The following BAZ1A variants were observed in gnomAD, a reference collection of about 807,000 sequenced individuals.
The protein encoded by BAZ1A is bromodomain adjacent to zinc finger domain protein 1A.
BAZ1A carries 50 observed loss-of-function variants against 185.2 expected under a neutral mutation model. The observed-to-expected ratio is 0.27, with a 90% CI of 0.22 to 0.34. The LOEUF (loss-of-function observed/expected upper bound fraction) is 0.34, where lower values mean the gene tolerates loss of function less well. Ranked by LOEUF, BAZ1A falls within the 10% of genes least tolerant of loss-of-function variation. BAZ1A has a pLI of 1.00. For synonymous variants in BAZ1A, 571 were observed against 615.6 expected, an observed-to-expected ratio of 0.93 and a Z score of 1.07; for missense variants, 1,356 against 1,839.9, an observed-to-expected ratio of 0.74 and a Z score of 4.81.
chr14:34,803,041 A>G, intron 6 of BAZ1A, 53 bp from the exon 7 acceptor site: 2 of 1,520,586 alleles, frequency 1.3e-6, no homozygotes, highest in Middle Eastern at 1.8e-4. Context: ...TAAACAACAT[A>G]CAGATATGCC....
intron 8 of BAZ1A, 116 bp downstream of exon 8, chr14:34,800,978 T>A: frequency 1.5e-6 from 1 of 668,308 alleles, no homozygotes; most frequent in Non-Finnish European, 2.4e-6. Context: ...AAAAAATAAC[T>A]GCACTTCAAA....
rs1205467162 is a variant in BAZ1A, at chr14:34,874,825, G to A, written c.-58-163C>T. 8 of 457,556 alleles carry A rather than the reference G, an allele frequency of 1.7e-5. No individual in the cohort carries two copies. Among genetic ancestry groups the A allele is most frequent in the Non-Finnish European group, 2.3e-5 (6 of 260,264 alleles). 28.3% of individuals were successfully genotyped at this position (457,556 alleles called of 1,614,324 possible). A position where few individuals can be genotyped will look rare whatever the true frequency, so the allele number is the denominator to read the frequency against. Reference sequence around the variant, plus strand: ...GTTCCTGCCGCTGCCCGGGTGTCGAGCGAGCGGAGCCGCCGCCGCCCCTGC... The same window carrying A: ...GTTCCTGCCGCTGCCCGGGTGTCGAACGAGCGGAGCCGCCGCCGCCCCTGC... On this transcript the variant is annotated intron_variant, in intron 1 of 26. Transcript: ENST00000360310. This position sits in a 1 kb window ranked among gnomAD's most constrained non-coding sequence, Gnocchi z 4.7.
At chr14:34,825,381 A>C (rs962212560) in intron 4 of BAZ1A, among the ~76,000 whole-genome samples, 1 of 140,262 alleles carries the variant, frequency 7.1e-6, no homozygotes, top group African/African-American at 2.7e-5. Context: ...TGAACCCAGG[A>C]GACTTCAGTG....
chr14:34,833,783 C>CTG (rs2138736673), intron 3 of BAZ1A, among the ~76,000 whole-genome samples: 1 of 152,218 alleles, frequency 6.6e-6, no homozygotes, highest in African/African-American at 2.4e-5. Context: ...TTACACAATA[C>CTG]TGTGTACAAC....
intron 3 of BAZ1A, among the ~76,000 whole-genome samples, chr14:34,858,691 T>G (rs2042722430): frequency 6.7e-6 from 1 of 149,644 alleles, no homozygotes; most frequent in African/African-American, 2.5e-5. Flanking sequence ...AAATAAATTT[T>G]AAAATAAAAT....
chr14:34,833,945 C>T (rs1347106335), intron 3 of BAZ1A, among the ~76,000 whole-genome samples: 2 of 152,180 alleles, frequency 1.3e-5, no homozygotes, highest in Non-Finnish European at 2.9e-5. Flanking sequence ...ATTACCAATC[C>T]TACATTGGTA....
chr14:34,791,763 C>A (rs1157471572), intron 12 of BAZ1A, among the ~76,000 whole-genome samples: 2 of 152,188 alleles, frequency 1.3e-5, no homozygotes, highest in South Asian at 2.1e-4. Flanking sequence ...GGTCCTAAAT[C>A]TCATATATGG....
intron 6 of BAZ1A, among the ~76,000 whole-genome samples, chr14:34,807,107 T>C (rs1881892614): frequency 6.7e-6 from 1 of 149,094 alleles, no homozygotes; most frequent in South Asian, 2.2e-4. Context: ...CTGTTTAGCA[T>C]TGTTCTTTGA....
At chr14:34,780,075 TG>T in intron 17 of BAZ1A, 110 bp downstream of exon 17, 1 of 1,429,754 alleles carries the variant, frequency 7.0e-7, no homozygotes, top group Non-Finnish European at 9.6e-7. Context: ...AAACACAGCC[TG>T]GAATCACAAA....
chr14:34,868,214 T>C (rs141848586), intron 2 of BAZ1A, among the ~76,000 whole-genome samples: 1 of 152,310 alleles, frequency 6.6e-6, no homozygotes, highest in Non-Finnish European at 1.5e-5. Flanking sequence ...GCTTTCTCAC[T>C]ACATTTGCAC....
In BAZ1A at chr14:34,792,934, T is replaced by A. The variant is rs1031660750; in HGVS notation, c.1364-13A>T. The A allele has an allele frequency of 6.3e-7, 1 of 1,593,728 alleles. No homozygotes were observed. Among genetic ancestry groups the A allele is most frequent in the Admixed American group, 1.9e-5 (1 of 52,738 alleles). ...TCCTCTAATACTTCTGTGAATAAAA[T>A]GTTTAAAATGAATTTAAAGTTCTGT... On this transcript the variant is annotated splice_polypyrimidine_tract_variant and intron_variant, in intron 11 of 26. Coordinates refer to ENST00000360310, the MANE Select transcript of BAZ1A (RefSeq NM_013448.3).
chr14:34,754,776 A>G, intron 26 of BAZ1A, 51 bp downstream of exon 26: 2 of 1,321,816 alleles, frequency 1.5e-6, no homozygotes, highest in Admixed American at 2.2e-5. Context: ...AAGATGCTAT[A>G]ACAAAATGCC....
chr14:34,801,200 A>C lies in BAZ1A; in HGVS notation c.862-7T>G, dbSNP rs148604883. On this transcript the variant is annotated splice_region_variant and splice_polypyrimidine_tract_variant and intron_variant, in intron 7 of 26. Transcript: ENST00000360310. ...TATTAGCAACATTGTCCTCCTAAAA[A>C]ACAAACCAAAATAGTATGCCTGGTT... 2,189 of 1,585,680 alleles carry C rather than the reference A, an allele frequency of 1.4e-3. 1 individual carries two copies. The highest frequency in any genetic ancestry group is 1.7e-3 in the Non-Finnish European group (1,977 of 1,162,008).
intron 4 of BAZ1A, 120 bp downstream of exon 4, chr14:34,825,893 G>A (rs187146532): frequency 1.4e-4 from 139 of 975,834 alleles, no homozygotes; most frequent in Admixed American, 5.6e-4. Context: ...AGCTGAGATC[G>A]AGCCACTGTA....
In BAZ1A at chr14:34,800,162, G is replaced by A. The variant is rs1302448264; in HGVS notation, c.1128+62C>T. ...AAGCATTTAAAAATCAACCATGGAT[G>A]TAGATATGTAAAGTAGTATTACTAT... On this transcript the variant is annotated intron_variant, in intron 9 of 26. Transcript: ENST00000360310. 29 of 1,208,774 alleles carry A rather than the reference G, an allele frequency of 2.4e-5. No individual in the cohort carries two copies. In the Middle Eastern group the frequency reaches 9.2e-4, roughly 38 times the overall value. The allele number at this position is 1,208,774 out of a possible 1,614,324, so 74.9% of individuals were successfully genotyped here.
At chr14:34,827,920 CT>C (rs1454875993) in intron 3 of BAZ1A, among the ~76,000 whole-genome samples, 4 of 152,034 alleles carry the variant, frequency 2.6e-5, no homozygotes, top group Non-Finnish European at 5.9e-5. Context: ...TCTATCACCC[CT>C]ATTCTGGCTT....
intron 4 of BAZ1A, among the ~76,000 whole-genome samples, chr14:34,821,533 T>C (rs2042089266): frequency 6.6e-6 from 1 of 152,228 alleles, no homozygotes; most frequent in Non-Finnish European, 1.5e-5. Context: ...AGGGAATTAA[T>C]TTAGAAATAA....
At chr14:34,829,722 C>T (rs935202524) in intron 3 of BAZ1A, among the ~76,000 whole-genome samples, 2 of 152,134 alleles carry the variant, frequency 1.3e-5, no homozygotes, top group African/African-American at 2.4e-5. Flanking sequence ...AAACCATTAT[C>T]CACCCCCTTA....
At chr14:34,873,195 T>TA (rs2090317135) in intron 2 of BAZ1A, among the ~76,000 whole-genome samples, 1 of 152,150 alleles carries the variant, frequency 6.6e-6, no homozygotes, top group Non-Finnish European at 1.5e-5. Context: ...CTTAGACAGG[T>TA]ACAGTTTGCC....
Sources: allele counts gnomAD v4.1 joint callset (sites outside exome capture counted in the v4.1 genomes callset), GRCh38; gene constraint gnomAD v4.1.1; non-coding constraint Gnocchi (gnomAD v3.1); transcripts MANE v1.5; gene names NCBI Gene and HGNC (gene_info 2026-07-23, HGNC 2026-07-21).